The following CHRM3 variants were observed in gnomAD, a reference collection of about 807,000 sequenced individuals.
CHRM3 encodes the protein muscarinic acetylcholine receptor M3.
In CHRM3, 11 loss-of-function variants were observed where a neutral mutation model predicts 41.8. The observed-to-expected ratio is 0.26, with a 90% confidence interval of 0.17 to 0.44. The LOEUF is 0.44. Ranked by LOEUF, CHRM3 falls within the 20% of genes least tolerant of loss-of-function variation. The pLI is 1.00. For missense variants in CHRM3, 571 were observed against 745.4 expected, an observed-to-expected ratio of 0.77 and a Z score of 2.72; for synonymous variants, 297 against 301.4, an observed-to-expected ratio of 0.99 and a Z score of 0.15.
At chr1:239,554,248 T>C (rs938628573) in intron 3 of CHRM3, among the ~76,000 whole-genome samples, 1 of 152,214 alleles carries the variant, frequency 6.6e-6, no homozygotes. Context: ...AAGAAAGTCA[T>C]GTTGTAGATG....
intron 2 of CHRM3, among the ~76,000 whole-genome samples, chr1:239,539,806 G>T (rs1225885351): frequency 6.6e-6 from 1 of 151,916 alleles, no homozygotes; most frequent in Non-Finnish European, 1.5e-5. Flanking sequence ...TAGTAGAGAT[G>T]GGGTTTTGCC....
In CHRM3 at chr1:239,911,157, G is replaced by A. The variant is rs1031954741; in HGVS notation, c.*1933G>A. ...TCTTTCTAGGTAATAAAAAGTCAAC[G>A]GTCACTTCAACGTAAATGTTTAAAA... On this transcript the variant is annotated 3_prime_UTR_variant, in exon 7 of 7. Coordinates refer to ENST00000676153, the MANE Select transcript of CHRM3 (RefSeq NM_001375978.1). 4 of 166,818 alleles carry A rather than the reference G, an allele frequency of 2.4e-5. No individual in the cohort carries two copies. Among genetic ancestry groups the A allele is most frequent in the Non-Finnish European group, 4.4e-5 (3 of 68,082 alleles). The allele number at this position is 166,818 out of a possible 1,614,324, so 10.3% of individuals were successfully genotyped here.
chr1:239,486,683 G>A (rs1269295510), intron 1 of CHRM3, among the ~76,000 whole-genome samples: 1 of 152,042 alleles, frequency 6.6e-6, no homozygotes, highest in Non-Finnish European at 1.5e-5. Flanking sequence ...TACAAAACAG[G>A]TGGCTAATAA....
intron 5 of CHRM3, among the ~76,000 whole-genome samples, chr1:239,690,288 C>T (rs1344424748): frequency 6.6e-6 from 1 of 152,018 alleles, no homozygotes; most frequent in Admixed American, 6.6e-5. Flanking sequence ...GACGGGATCT[C>T]GACTCACTGC....
chr1:239,493,049 G>A (rs1667656289), intron 2 of CHRM3, among the ~76,000 whole-genome samples: 1 of 152,130 alleles, frequency 6.6e-6, no homozygotes, highest in African/African-American at 2.4e-5. Context: ...CAATAAACTT[G>A]CACAGCTTAA....
chr1:239,759,143 C>G (rs562038811), intron 5 of CHRM3, among the ~76,000 whole-genome samples: 14 of 149,920 alleles, frequency 9.3e-5, no homozygotes, highest in Non-Finnish European at 1.9e-4. Context: ...CATTTTCCCC[C>G]CTGAGCTTTA....
chr1:239,426,095 C>G (rs575936210), intron 1 of CHRM3, among the ~76,000 whole-genome samples: 1 of 141,812 alleles, frequency 7.1e-6, no homozygotes, highest in African/African-American at 2.6e-5. Flanking sequence ...CCCATTAACT[C>G]GTCATTTAAC....
chr1:239,678,242 A>G lies in CHRM3; in HGVS notation c.-193A>G, dbSNP rs1428313648. 1 of 152,216 alleles carries G rather than the reference A, an allele frequency of 6.6e-6. No homozygotes were observed. The highest frequency in any genetic ancestry group is 2.4e-5 in the African/African-American group (1 of 41,464). 9.4% of individuals were successfully genotyped at this position (152,216 alleles called of 1,614,324 possible). Reference sequence around the variant, plus strand: ...CTAGAAGGAAAGTTCAACATACAGCACAATTCTGGACACATTGTATTGGTT... The same window carrying G: ...CTAGAAGGAAAGTTCAACATACAGCGCAATTCTGGACACATTGTATTGGTT... On this transcript the variant is annotated 5_prime_UTR_variant, in exon 5 of 7. Transcript: ENST00000676153.
intron 5 of CHRM3, among the ~76,000 whole-genome samples, chr1:239,694,513 A>G: frequency 6.6e-6 from 1 of 152,244 alleles, no homozygotes; most frequent in East Asian, 1.9e-4. Flanking sequence ...GAAAGTGCTT[A>G]TGAAATGTGA....
intron 5 of CHRM3, among the ~76,000 whole-genome samples, chr1:239,786,764 C>T (rs181939812): frequency 2.0e-5 from 3 of 152,140 alleles, no homozygotes; most frequent in East Asian, 1.9e-4. Context: ...AATGAGATGA[C>T]GCCGTAGTGT....
At chr1:239,902,381 G>A (rs781377882) in intron 6 of CHRM3, among the ~76,000 whole-genome samples, 26 of 152,084 alleles carry the variant, frequency 1.7e-4, no homozygotes, top group Non-Finnish European at 2.5e-4. Context: ...CATCTCCTGG[G>A]CCAACCCAGA....
chr1:239,897,451 A>AT (rs1336393597), intron 6 of CHRM3, among the ~76,000 whole-genome samples: 3 of 152,162 alleles, frequency 2.0e-5, no homozygotes, highest in African/African-American at 7.2e-5. Context: ...TTTTCACTAG[A>AT]TTTTTCATCA....
At chr1:239,705,698 A>G (rs1250556817) in intron 5 of CHRM3, 2 of 152,170 alleles carry the variant, frequency 1.3e-5, no homozygotes, top group African/African-American at 4.8e-5. Context: ...CTATCTTTAT[A>G]GGGAAGGAAA....
At chr1:239,905,931 A>C (rs989902949) in intron 6 of CHRM3, among the ~76,000 whole-genome samples, 1 of 152,216 alleles carries the variant, frequency 6.6e-6, no homozygotes, top group Non-Finnish European at 1.5e-5. Context: ...TAAGTACTTT[A>C]TATATGTTAA....
At chr1:239,712,856 C>T (rs1661949477) in intron 5 of CHRM3, among the ~76,000 whole-genome samples, 1 of 152,176 alleles carries the variant, frequency 6.6e-6, no homozygotes, top group Non-Finnish European at 1.5e-5. Flanking sequence ...TATTTCATTA[C>T]TCCTCTGCAG....
At chr1:239,685,074 C>T (rs1457717473) in intron 5 of CHRM3, among the ~76,000 whole-genome samples, 1 of 152,234 alleles carries the variant, frequency 6.6e-6, no homozygotes, top group Non-Finnish European at 1.5e-5. Context: ...TCTTTAACCT[C>T]TGCCTACCTT....
In CHRM3 at chr1:239,772,276, G is replaced by A. The variant is rs985556995; in HGVS notation, c.-146-54976G>A. On this transcript the variant is annotated intron_variant, in intron 5 of 6. Coordinates refer to ENST00000676153, the MANE Select transcript of CHRM3 (RefSeq NM_001375978.1). ...AGCGATTCTCTTGCCTCAGCCTCCC[G>A]AGTAGCTAGGATCACAGGCATGCAC... Among the ~76,000 whole-genome samples the A allele has an allele frequency of 2.6e-5, 4 of 151,864 alleles. No homozygotes were observed. In the East Asian group the frequency reaches 5.8e-4, roughly 22 times the overall value.
intron 5 of CHRM3, among the ~76,000 whole-genome samples, chr1:239,779,957 G>A (rs1196943464): frequency 1.3e-5 from 2 of 152,114 alleles, no homozygotes; most frequent in Non-Finnish European, 2.9e-5. Context: ...GTCAGTTCAT[G>A]TCTTGATAGT....
intron 4 of CHRM3, among the ~76,000 whole-genome samples, chr1:239,677,962 T>C (rs541792821): frequency 1.3e-5 from 2 of 152,354 alleles, no homozygotes; most frequent in Middle Eastern, 6.8e-3. Context: ...ATCTCATTGT[T>C]TCCCCAGTAA....
Sources: gnomAD v4.1 joint callset for allele counts (sites outside exome capture counted in the v4.1 genomes callset) on GRCh38, gnomAD v4.1.1 for gene constraint, MANE v1.5 for transcripts, NCBI Gene and HGNC (gene_info 2026-07-23, HGNC 2026-07-21) for gene names.